The following TBC1D5 variants were observed in gnomAD, a reference collection of about 807,000 sequenced individuals.
TBC1D5 encodes TBC1 domain family member 5, also known as TBC1 domain family, member 5.
A neutral mutation model predicts 100.3 loss-of-function variants in TBC1D5; 75 were observed. The ratio of observed to expected loss-of-function variants is 0.75; its 90% CI spans 0.62 to 0.91. The LOEUF (loss-of-function observed/expected upper bound fraction) is 0.91. Among genes scored for constraint, TBC1D5 ranks in the 40% least tolerant of loss-of-function variants. TBC1D5 has a pLI of 0.00. For synonymous variants in TBC1D5, 323 were observed against 325.6 expected, an observed-to-expected ratio of 0.99 and a Z score of 0.09; for missense variants, 910 against 942.4, an observed-to-expected ratio of 0.97 and a Z score of 0.45.
At chr3:17,203,579 G>A (rs550801803) in intron 18 of TBC1D5, among the ~76,000 whole-genome samples, 22 of 152,308 alleles carry the variant, frequency 1.4e-4, no homozygotes, top group African/African-American at 5.3e-4. Flanking sequence ...AATCCTCTGA[G>A]TTGGAGGAGG....
chr3:17,652,871 A>G (rs912763457), intron 1 of TBC1D5, among the ~76,000 whole-genome samples: 7 of 152,238 alleles, frequency 4.6e-5, no homozygotes, highest in Admixed American at 3.3e-4. Flanking sequence ...TGTTCACTGC[A>G]GCACTATTCA....
intron 7 of TBC1D5, among the ~76,000 whole-genome samples, chr3:17,404,057 T>A (rs2093708560): frequency 6.6e-6 from 1 of 152,132 alleles, no homozygotes; most frequent in African/African-American, 2.4e-5. Context: ...TTTTTAAAAA[T>A]TACTTAATAT....
At chr3:17,632,793 C>T (rs970409032) in intron 1 of TBC1D5, among the ~76,000 whole-genome samples, 4 of 152,026 alleles carry the variant, frequency 2.6e-5, no homozygotes, top group Non-Finnish European at 1.5e-5. Context: ...ACACATAATG[C>T]TATTATACAT....
rs143135991 is a variant in TBC1D5 at position 17,487,042 on chromosome 3, C to T, written c.97+21432G>A. Among the ~76,000 whole-genome samples the T allele has an allele frequency of 3.0e-3, 458 of 152,288 alleles. 3 individuals are homozygous for T. Among genetic ancestry groups the T allele is most frequent in the African/African-American group, 9.7e-3 (404 of 41,556 alleles). On this transcript the variant is annotated intron_variant, in intron 3 of 21. Coordinates refer to ENST00000253692, the Ensembl canonical transcript of TBC1D5. ...AACATAGTGATAGTTAATTCTACAA[C>T]GGTGGTCAACAAACTAAAGCCAATT...
rs1178928522 is a variant in TBC1D5 at position 17,499,840 on chromosome 3, A to C, written c.97+8634T>G. ...GTTTCATATTTTAGGTTTTAAGATA[A>C]TACTCTAAATCACCAGTGTCTCCTC... On this transcript the variant is annotated intron_variant, in intron 3 of 21. Transcript: ENST00000253692. 4.7e-5 allele frequency among the ~76,000 whole-genome samples: 7 copies of C among 149,608 alleles called. No homozygotes were observed. In the South Asian group the frequency reaches 1.1e-3, roughly 23 times the overall value.
At chr3:17,680,128 T>G (rs569787933) in intron 1 of TBC1D5, among the ~76,000 whole-genome samples, 5 of 151,662 alleles carry the variant, frequency 3.3e-5, no homozygotes, top group African/African-American at 1.2e-4. Flanking sequence ...ATTTATCAAT[T>G]TTATCCTCAT....
At chr3:17,464,684 C>G (rs919219523) in intron 3 of TBC1D5, among the ~76,000 whole-genome samples, 6 of 152,028 alleles carry the variant, frequency 3.9e-5, no homozygotes, top group African/African-American at 1.4e-4. Context: ...GGTTTTCACC[C>G]CTACCATGTG....
chr3:17,384,051 C>A (rs1022418966), intron 8 of TBC1D5, 36 bp from the exon 9 acceptor site: 4 of 1,510,040 alleles, frequency 2.6e-6, no homozygotes, highest in Non-Finnish European at 3.6e-6. Context: ...AACTGACTAA[C>A]ACAGTTTCAA....
intron 9 of TBC1D5, among the ~76,000 whole-genome samples, chr3:17,379,116 G>T: frequency 6.8e-6 from 1 of 147,044 alleles, no homozygotes; most frequent in Non-Finnish European, 1.5e-5. Flanking sequence ...AATTTATCTT[G>T]ATGATTCTAT....
chr3:17,288,528 G>T (rs1388259011), intron 15 of TBC1D5, among the ~76,000 whole-genome samples: 1 of 152,014 alleles, frequency 6.6e-6, no homozygotes, highest in African/African-American at 2.4e-5. Flanking sequence ...TTCCTAATTG[G>T]TTTTTTACAC....
chr3:17,653,291 T>C (rs2065757456), intron 1 of TBC1D5, among the ~76,000 whole-genome samples: 1 of 152,134 alleles, frequency 6.6e-6, no homozygotes, highest in African/African-American at 2.4e-5. Context: ...AATTTTATGT[T>C]ATGTGAATTT....
intron 2 of TBC1D5, among the ~76,000 whole-genome samples, chr3:17,517,169 CT>C (rs1405520224): frequency 6.6e-6 from 1 of 152,228 alleles, no homozygotes; most frequent in African/African-American, 2.4e-5. Flanking sequence ...AAACAGTCAT[CT>C]TTAACTTTGC....
intron 1 of TBC1D5, among the ~76,000 whole-genome samples, chr3:17,658,738 C>A (rs1452334566): frequency 6.6e-6 from 1 of 152,150 alleles, no homozygotes; most frequent in African/African-American, 2.4e-5. Flanking sequence ...CTCACTGCAA[C>A]CTCAACCTCC....
intron 2 of TBC1D5, among the ~76,000 whole-genome samples, chr3:17,513,126 G>C (rs2095934506): frequency 6.6e-6 from 1 of 152,090 alleles, no homozygotes; most frequent in Non-Finnish European, 1.5e-5. Context: ...GAGGTCAGGA[G>C]TTAGAGACCA....
At chr3:17,188,989 G>A (rs1179859332) in intron 18 of TBC1D5, among the ~76,000 whole-genome samples, 2 of 152,102 alleles carry the variant, frequency 1.3e-5, no homozygotes, top group African/African-American at 4.8e-5. Flanking sequence ...CATAGGGTGG[G>A]GAACAAAGGA....
At position 17,499,721 on chromosome 3, in the gene TBC1D5, C is replaced by T. The variant is rs562569983; in HGVS notation, c.97+8753G>A. ...AAAAAAAATCTAAACCCTTACTCTA[C>T]TGTAGTTTTTGGCCCCATTAATGAA... On this transcript the variant is annotated intron_variant, in intron 3 of 21. Coordinates refer to ENST00000253692, the Ensembl canonical transcript of TBC1D5. Among the ~76,000 whole-genome samples the T allele has an allele frequency of 4.5e-4, 67 of 149,002 alleles. 8 individuals carry two copies. The highest frequency in any genetic ancestry group is 1.6e-3 in the African/African-American group (62 of 39,168).
intron 3 of TBC1D5, among the ~76,000 whole-genome samples, chr3:17,467,379 A>G (rs1377280862): frequency 4.0e-5 from 6 of 149,044 alleles, no homozygotes; most frequent in African/African-American, 1.5e-4. Context: ...GGTTTGTTAC[A>G]TATGTTTCTT....
intron 2 of TBC1D5, among the ~76,000 whole-genome samples, chr3:17,607,354 G>A (rs1314695011): frequency 1.3e-5 from 2 of 152,112 alleles, no homozygotes; most frequent in African/African-American, 2.4e-5. Context: ...ATAATGACCT[G>A]TGGTAGCTTG....
At chr3:17,246,177 T>G (rs900601308) in intron 16 of TBC1D5, among the ~76,000 whole-genome samples, 9 of 152,188 alleles carry the variant, frequency 5.9e-5, no homozygotes, top group African/African-American at 1.9e-4. Context: ...AGTCACATTT[T>G]AAAATGCAGG....
Sources: allele counts gnomAD v4.1 joint callset (sites outside exome capture counted in the v4.1 genomes callset), GRCh38; gene constraint gnomAD v4.1.1; transcripts MANE v1.5; gene names NCBI Gene and HGNC (gene_info 2026-07-23, HGNC 2026-07-21).